Variants in MPP7 observed in about 807,000 individuals in gnomAD.
The protein encoded by MPP7 is MAGUK p55 scaffold protein 7.
A neutral mutation model predicts 76.5 loss-of-function variants in MPP7; 60 were observed. The observed-to-expected ratio is 0.78, with a 90% CI of 0.64 to 0.97. The LOEUF is 0.97. MPP7 is among the 50% of genes least tolerant of loss of function. The probability of loss-of-function intolerance (pLI) is 0.00; values close to 1 mark genes in which losing one functional copy is unlikely to be tolerated. For synonymous variants in MPP7, 237 were observed against 244.5 expected, an observed-to-expected ratio of 0.97 and a Z score of 0.29; for missense variants, 641 against 694.0, an observed-to-expected ratio of 0.92 and a Z score of 0.86.
At chr10:28,061,268 G>A (rs1484473733) in intron 13 of MPP7, among the ~76,000 whole-genome samples, 1 of 151,890 alleles carries the variant, frequency 6.6e-6, no homozygotes, top group African/African-American at 2.4e-5. Context: ...CTTTCAAACA[G>A]GTACCATAAC....
chr10:28,205,723 A>G (rs762201956), intron 2 of MPP7, among the ~76,000 whole-genome samples: 6 of 152,196 alleles, frequency 3.9e-5, no homozygotes, highest in Non-Finnish European at 5.9e-5. Context: ...GGAAGTGGTC[A>G]ATTCCTGCAA....
intron 1 of MPP7, among the ~76,000 whole-genome samples, chr10:28,263,518 T>C (rs1445296120): frequency 2.0e-5 from 3 of 152,130 alleles, no homozygotes; most frequent in Admixed American, 6.5e-5. Context: ...TCAATGTAGA[T>C]TGTGATGAAA....
rs1157027024 is a variant in MPP7, at chr10:28,302,865, T to G, written c.-136A>C. 6.6e-6 allele frequency among the ~76,000 whole-genome samples: 1 copy of G among 152,044 alleles called. No homozygotes were observed. The highest frequency in any genetic ancestry group is 1.9e-4 in the East Asian group (1 of 5,168). On this transcript the variant is annotated 5_prime_UTR_variant, in exon 1 of 17. Transcript: ENST00000683449. ...TCCCCAGAGGCGCCCCATTACCTGC[T>G]CTGGGCTGCCGCGGTCCGCGGGCAG...
At chr10:28,306,911 A>G (rs12098410), upstream of MPP7, among the ~76,000 whole-genome samples, 25,717 of 152,126 alleles carry the variant, frequency 0.17, 2,568 homozygotes, top group African/African-American at 0.26. Flanking sequence ...CTATTCTCCT[A>G]TTCTGATAAC....
chr10:28,203,393 C>T (rs1837843657), intron 2 of MPP7, among the ~76,000 whole-genome samples: 1 of 150,446 alleles, frequency 6.6e-6, no homozygotes, highest in South Asian at 2.1e-4. Context: ...CAACCAAAGG[C>T]ATTAGGTACC....
At chr10:28,142,330 T>G (rs1216939357) in intron 5 of MPP7, among the ~76,000 whole-genome samples, 1 of 152,206 alleles carries the variant, frequency 6.6e-6, no homozygotes, top group Non-Finnish European at 1.5e-5. Flanking sequence ...TAATCATTAT[T>G]TAATCACACA....
At chr10:28,152,781 G>T (rs990493370) in intron 3 of MPP7, among the ~76,000 whole-genome samples, 11 of 151,972 alleles carry the variant, frequency 7.2e-5, no homozygotes, top group African/African-American at 2.7e-4. Context: ...GATACAGGGT[G>T]ACAAATTTCC....
chr10:28,267,398 T>A (rs934596424), intron 1 of MPP7, among the ~76,000 whole-genome samples: 2 of 152,148 alleles, frequency 1.3e-5, no homozygotes, highest in Admixed American at 1.3e-4. Context: ...ACAGAGCTTA[T>A]AATCTAGCAA....
rs564407981 is a variant in MPP7 at position 28,061,219 on chromosome 10, G to C, written c.1205-1476C>G. 2.0e-5 allele frequency among the ~76,000 whole-genome samples: 3 copies of C among 151,920 alleles called. No homozygotes were observed. The South Asian group carries it at 6.2e-4, about 32-fold the overall frequency. On this transcript the variant is annotated intron_variant, in intron 13 of 16. Transcript: ENST00000683449. ...TTTTCAAGGGGAAAGATAACAGATA[G>C]CAACCCTGAATGACCTGGAAGTTAG...
chr10:28,144,613 T>C (rs1269726822), intron 5 of MPP7, among the ~76,000 whole-genome samples: 2 of 152,180 alleles, frequency 1.3e-5, no homozygotes, highest in African/African-American at 2.4e-5. Flanking sequence ...ACCTAAATCA[T>C]TTCTTTTTCA....
At chr10:28,186,723 A>G (rs1837249816) in intron 3 of MPP7, among the ~76,000 whole-genome samples, 2 of 152,218 alleles carry the variant, frequency 1.3e-5, no homozygotes, top group Non-Finnish European at 2.9e-5. Flanking sequence ...TGCGGGTGAT[A>G]AAGGGAGATG....
At chr10:28,154,012 A>C (rs936082541) in intron 3 of MPP7, among the ~76,000 whole-genome samples, 2 of 152,086 alleles carry the variant, frequency 1.3e-5, no homozygotes, top group Non-Finnish European at 2.9e-5. Flanking sequence ...TCTGGGTACT[A>C]AAAAAAGAAA....
At chr10:28,163,374 T>G (rs955065930) in intron 3 of MPP7, among the ~76,000 whole-genome samples, 6 of 152,230 alleles carry the variant, frequency 3.9e-5, no homozygotes, top group African/African-American at 1.2e-4. Context: ...CAGAGAGGTC[T>G]CTGTGATCCC....
chr10:28,096,821 GTAACTTTA>G (rs1205499853), intron 11 of MPP7, among the ~76,000 whole-genome samples: 1 of 152,066 alleles, frequency 6.6e-6, no homozygotes, highest in Non-Finnish European at 1.5e-5. Flanking sequence ...AAGTGTGGCT[GTAACTTTA>G]TATTTTTCTA....
rs185760576 is a variant in MPP7 at position 28,287,736 on chromosome 10, A to G, written c.-132+15125T>C. Among the ~76,000 whole-genome samples the G allele has an allele frequency of 1.3e-3, 204 of 152,328 alleles. 1 individual carries two copies. Among genetic ancestry groups the G allele is most frequent in the South Asian group, 0.012 (60 of 4,830 alleles). Reference sequence around the variant, plus strand: ...AAGAGATGACCGCTGATTTCAACAAATGTAATTTTTTTCTAATGGTATTAT... The same window carrying G: ...AAGAGATGACCGCTGATTTCAACAAGTGTAATTTTTTTCTAATGGTATTAT... On this transcript the variant is annotated intron_variant, in intron 1 of 16. Transcript: ENST00000683449.
intron 3 of MPP7, among the ~76,000 whole-genome samples, chr10:28,189,136 G>A (rs1837325882): frequency 6.6e-6 from 1 of 152,160 alleles, no homozygotes; most frequent in Non-Finnish European, 1.5e-5. Flanking sequence ...TATTAGCAAA[G>A]TACTGGGGGA....
At chr10:28,113,364 AC>A (rs1834564392) in intron 11 of MPP7, among the ~76,000 whole-genome samples, 1 of 151,968 alleles carries the variant, frequency 6.6e-6, no homozygotes, top group South Asian at 2.1e-4. Flanking sequence ...TGAGTAATAC[AC>A]TACCTCTGCT....
chr10:28,318,400 T>G (rs1409118165), intron 2 of MPP7, among the ~76,000 whole-genome samples: 1 of 152,138 alleles, frequency 6.6e-6, no homozygotes, highest in African/African-American at 2.4e-5. Flanking sequence ...TGAAAAGCAA[T>G]AGGGGTCAGG....
At chr10:28,274,732 T>C (rs541601092) in intron 1 of MPP7, among the ~76,000 whole-genome samples, 1 of 152,294 alleles carries the variant, frequency 6.6e-6, no homozygotes, top group South Asian at 2.1e-4. Context: ...TCCTCTCTAC[T>C]TCCTGCTACA....
Sources: gnomAD v4.1 joint callset for allele counts (sites outside exome capture counted in the v4.1 genomes callset) on GRCh38, gnomAD v4.1.1 for gene constraint, MANE v1.5 for transcripts, NCBI Gene and HGNC (gene_info 2026-07-23, HGNC 2026-07-21) for gene names.